Variants in UTRN observed in about 807,000 individuals in gnomAD.
UTRN encodes dystrophin-related protein 1.
In UTRN, 283 loss-of-function variants were observed where a neutral mutation model predicts 463.9. That is an observed-to-expected ratio of 0.61 (90% CI 0.55 to 0.67). UTRN has a LOEUF of 0.67. Ranked by LOEUF, UTRN falls within the 30% of genes least tolerant of loss-of-function variation. The pLI is 0.00. For synonymous variants in UTRN, 1,442 were observed against 1,431.5 expected (o/e 1.01, Z -0.17); for missense variants, 3,922 against 4,084.3 (o/e 0.96, Z 1.08).
At chr6:144,464,660 C>A (rs967485641) in intron 23 of UTRN, among the ~76,000 whole-genome samples, 8 of 151,968 alleles carry the variant, frequency 5.3e-5, no homozygotes, top group African/African-American at 1.5e-4. Flanking sequence ...GCCACTATGC[C>A]CGGCTAAGGT....
At chr6:144,391,857 G>T (rs1781964966) in intron 2 of UTRN, among the ~76,000 whole-genome samples, 1 of 152,130 alleles carries the variant, frequency 6.6e-6, no homozygotes, top group Non-Finnish European at 1.5e-5. Context: ...AGCCATGATG[G>T]TCTCGATCTC....
chr6:144,499,218 A>G (rs987324500), intron 33 of UTRN, 39 bp from the exon 34 acceptor site: 1 of 1,579,072 alleles, frequency 6.3e-7, no homozygotes, highest in Non-Finnish European at 8.6e-7. Context: ...GTTCATTCCC[A>G]TCTCAGTCTC....
intron 58 of UTRN, among the ~76,000 whole-genome samples, chr6:144,759,491 C>T (rs1237070126): frequency 6.6e-6 from 1 of 151,904 alleles, no homozygotes; most frequent in Non-Finnish European, 1.5e-5. Flanking sequence ...TGCTCCCAAC[C>T]CCTGAAAGAT....
intron 9 of UTRN, among the ~76,000 whole-genome samples, chr6:144,434,204 G>A (rs1035472718): frequency 1.3e-5 from 2 of 152,342 alleles, no homozygotes; most frequent in South Asian, 2.1e-4. Context: ...CCAGTCAGGC[G>A]TGGTGGCGCG....
At chr6:144,410,104 A>T (rs1347355705) in intron 3 of UTRN, among the ~76,000 whole-genome samples, 1 of 152,144 alleles carries the variant, frequency 6.6e-6, no homozygotes, top group Non-Finnish European at 1.5e-5. Flanking sequence ...TTTCCTGACC[A>T]AAAAAATTGG....
intron 53 of UTRN, chr6:144,707,012 C>T (rs772217475): frequency 3.9e-5 from 6 of 152,130 alleles, no homozygotes; most frequent in Non-Finnish European, 8.8e-5. Context: ...GCACATAGAG[C>T]ACAGCAATCC....
At chr6:144,802,898 A>G (rs1453362966) in intron 64 of UTRN, 138 bp from the exon 65 acceptor site, 1 of 463,110 alleles carries the variant, frequency 2.2e-6, no homozygotes, top group Non-Finnish European at 3.7e-6. Flanking sequence ...ATAAACAGAT[A>G]GAAGCATGTT....
At chr6:144,526,424 T>C (rs1228011551) in intron 41 of UTRN, among the ~76,000 whole-genome samples, 1 of 152,202 alleles carries the variant, frequency 6.6e-6, no homozygotes, top group Non-Finnish European at 1.5e-5. Context: ...CTTTTTATCA[T>C]TATATAATGT....
chr6:144,786,928 C>T (rs1446400797), intron 61 of UTRN, among the ~76,000 whole-genome samples: 1 of 152,166 alleles, frequency 6.6e-6, no homozygotes, highest in African/African-American at 2.4e-5. Context: ...TTGGTCCCAA[C>T]AGTACACAGA....
chr6:144,754,792 C>T lies in UTRN; in HGVS notation c.8428C>T (p.Leu2810Phe). 6.2e-7 allele frequency: 1 copy of T among 1,613,420 alleles called. No individual in the cohort carries two copies. Among genetic ancestry groups the T allele is most frequent in the Non-Finnish European group, 8.5e-7 (1 of 1,179,650 alleles). Reference sequence around the variant, plus strand: ...TTTTGGACCATCCTCTCAGCATTTTCTCTCTAGTAAGTACTAATAAACTGG... The same window carrying T: ...TTTTGGACCATCCTCTCAGCATTTTTTCTCTAGTAAGTACTAATAAACTGG... ...RDFGPSSQHF[L>F]STSVQLPWQR... The change falls in exon 57 of 75, where the codon CTC (leucine) becomes TTC (phenylalanine). Residue 2810 changes from leucine to phenylalanine, a missense_variant. Transcript: ENST00000367545.
chr6:144,588,950 G>C (rs1802740016), intron 51 of UTRN, among the ~76,000 whole-genome samples: 1 of 152,194 alleles, frequency 6.6e-6, no homozygotes, highest in African/African-American at 2.4e-5. Context: ...AAATTGGAAA[G>C]GATGTGAAGT....
chr6:144,712,186 C>T (rs763314065), intron 53 of UTRN, among the ~76,000 whole-genome samples: 1 of 152,204 alleles, frequency 6.6e-6, no homozygotes, highest in Admixed American at 6.5e-5. Flanking sequence ...CCTTATTAAA[C>T]GCTCAGCTCT....
At position 144,583,888 on chromosome 6, in the gene UTRN, A is replaced by G. The variant is rs893074898; in HGVS notation, c.7479+6600A>G. Among the ~76,000 whole-genome samples the G allele has an allele frequency of 3.9e-5, 6 of 152,320 alleles. No homozygotes were observed. In the South Asian group the frequency reaches 6.2e-4, roughly 16 times the overall value. Reference sequence around the variant, plus strand: ...ATGCAAAACTACTACATTCATTAAGACCTGTTACCTCTCTGGTACTTTGCA... The same window carrying G: ...ATGCAAAACTACTACATTCATTAAGGCCTGTTACCTCTCTGGTACTTTGCA... On this transcript the variant is annotated intron_variant, in intron 51 of 74. Transcript: ENST00000367545.
At chr6:144,329,297 G>T (rs1776183270) in intron 2 of UTRN, among the ~76,000 whole-genome samples, 1 of 151,332 alleles carries the variant, frequency 6.6e-6, no homozygotes. Context: ...TGGCCAGGAT[G>T]GTCTCGATCT....
intron 66 of UTRN, among the ~76,000 whole-genome samples, chr6:144,824,680 C>T (rs1373916965): frequency 1.8e-5 from 2 of 113,700 alleles, no homozygotes; most frequent in East Asian, 6.0e-4. Flanking sequence ...AGTGCAGTGG[C>T]ACAATCACAG....
chr6:144,839,173 C>A lies in UTRN; in HGVS notation c.10066C>A (p.Pro3356Thr), dbSNP rs747826739. 3.7e-5 allele frequency: 59 copies of A among 1,612,980 alleles called. No homozygotes were observed. Among genetic ancestry groups the A allele is most frequent in the Non-Finnish European group, 4.7e-5 (56 of 1,179,126 alleles). Reference sequence around the variant, plus strand: ...CTTTAACCTCTGAATGTGGTTCCAGCCTGAATCTGATTCCCGAATCAATGG... The same window carrying A: ...CTTTAACCTCTGAATGTGGTTCCAGACTGAATCTGATTCCCGAATCAATGG... ...LHRLRQLLEQ[P>T]ESDSRINGVS... is the part of the protein sequence containing the mutation. The change falls in exon 72 of 75, where the codon CCT becomes ACT. Residue 3356 changes from proline to threonine, a missense_variant and splice_region_variant. By Grantham distance (38) the Pro-to-Thr change is conservative. Coordinates refer to ENST00000367545, the MANE Select transcript of UTRN (RefSeq NM_007124.3).
chr6:144,369,028 G>C (rs1303377237), intron 2 of UTRN, among the ~76,000 whole-genome samples: 1 of 151,956 alleles, frequency 6.6e-6, no homozygotes, highest in East Asian at 1.9e-4. Flanking sequence ...AACTTTTTTT[G>C]GATTGAGAGG....
intron 53 of UTRN, among the ~76,000 whole-genome samples, chr6:144,708,754 G>T (rs970449947): frequency 2.0e-5 from 3 of 152,172 alleles, no homozygotes; most frequent in Admixed American, 6.6e-5. Context: ...GTCTTTTGCT[G>T]CTGTAACAGA....
intron 54 of UTRN, among the ~76,000 whole-genome samples, chr6:144,742,270 C>T (rs1009483798): frequency 7.9e-5 from 12 of 152,086 alleles, no homozygotes; most frequent in Non-Finnish European, 1.8e-4. Flanking sequence ...CACTAATCAG[C>T]CGTGGCACTT....
Sources: gnomAD v4.1 joint callset for allele counts (sites outside exome capture counted in the v4.1 genomes callset) on GRCh38, gnomAD v4.1.1 for gene constraint, MANE v1.5 for transcripts, NCBI Gene and HGNC (gene_info 2026-07-23, HGNC 2026-07-21) for gene names.